GALK2: variants seen among roughly 807,000 people sequenced by gnomAD.
GALK2 encodes the protein N-acetylgalactosamine kinase.
Under a neutral mutation model 52.4 loss-of-function variants are expected in GALK2, and 36 were observed. The observed-to-expected ratio is 0.69, with a 90% CI of 0.53 to 0.91. GALK2 has a LOEUF of 0.91. Among genes scored for constraint, GALK2 ranks in the 40% least tolerant of loss-of-function variants. The probability of loss-of-function intolerance (pLI) is 0.00; values close to 1 mark genes in which losing one functional copy is unlikely to be tolerated. For synonymous variants in GALK2, 176 were observed against 199.1 expected (o/e 0.88, Z 0.98); for missense variants, 579 against 559.1 (o/e 1.04, Z -0.36).
chr15:49,205,049 C>T (rs1595656066), intron 2 of GALK2, among the ~76,000 whole-genome samples: 1 of 152,120 alleles, frequency 6.6e-6, no homozygotes, highest in Admixed American at 6.6e-5. Context: ...TTTATGGCTG[C>T]ATAGTATTCC....
chr15:49,247,429 A>G (rs572528417), intron 5 of GALK2, among the ~76,000 whole-genome samples: 13 of 152,330 alleles, frequency 8.5e-5, no homozygotes, highest in African/African-American at 2.6e-4. Context: ...AGAGGAAACA[A>G]TAAGAAAGAA....
chr15:49,365,621 C>CA (rs2045018467), intron 3 of GALK2: 4 of 1,106,286 alleles, frequency 3.6e-6, no homozygotes, highest in African/African-American at 1.5e-5. Flanking sequence ...GTTATGAAAA[C>CA]AAAAAATACA....
chr15:49,280,373 G>T (rs931178895), intron 5 of GALK2, among the ~76,000 whole-genome samples: 3 of 152,170 alleles, frequency 2.0e-5, no homozygotes, highest in African/African-American at 4.8e-5. Flanking sequence ...ATGCGGTGGG[G>T]AGTATTGAGT....
chr15:49,178,447 T>C (rs1451475256), intron 1 of GALK2: 4 of 254,926 alleles, frequency 1.6e-5, no homozygotes, highest in Non-Finnish European at 3.1e-5. Flanking sequence ...TCGTCTTCAA[T>C]GGACTTCAAG....
At chr15:49,275,755 C>T (rs1207375963) in intron 5 of GALK2, among the ~76,000 whole-genome samples, 2 of 152,070 alleles carry the variant, frequency 1.3e-5, no homozygotes, top group African/African-American at 2.4e-5. Context: ...CCAGGTTTAG[C>T]GAGGCATAAC....
chr15:49,196,214 G>T (rs996190323), intron 1 of GALK2, among the ~76,000 whole-genome samples: 5 of 152,130 alleles, frequency 3.3e-5, no homozygotes, highest in Middle Eastern at 3.4e-3. Flanking sequence ...ATGGAGCTGA[G>T]AATTTAGTTT....
chr15:49,363,796 C>T (rs763420965), intron 3 of GALK2, among the ~76,000 whole-genome samples: 11 of 151,958 alleles, frequency 7.2e-5, no homozygotes, highest in Non-Finnish European at 1.6e-4. Context: ...CCTTCAATGT[C>T]TAGTTTGTTG....
intron 3 of GALK2, among the ~76,000 whole-genome samples, chr15:49,351,856 G>T (rs1275238094): frequency 6.6e-6 from 1 of 152,310 alleles, no homozygotes; most frequent in Admixed American, 6.5e-5. Context: ...GTGGATGTGG[G>T]CTAGCTTGGG....
intron 2 of GALK2, among the ~76,000 whole-genome samples, chr15:49,205,821 A>G (rs2141328449): frequency 6.6e-6 from 1 of 152,270 alleles, no homozygotes; most frequent in Middle Eastern, 3.4e-3. Flanking sequence ...CAATGTCTAG[A>G]AGGGTTTATC....
rs35231463 is a variant in GALK2 at position 49,192,997 on chromosome 15, C to CTTTTTT, written c.54-8150_54-8145dup. 6.0e-5 allele frequency among the ~76,000 whole-genome samples: 4 copies of CTTTTTT among 67,078 alleles called. 2 individuals are homozygous for CTTTTTT. Among genetic ancestry groups the CTTTTTT allele is most frequent in the African/African-American group, 1.1e-4 (2 of 18,072 alleles). The allele number at this position is 67,078 out of a possible 152,430, so 44.0% of individuals were successfully genotyped here. A position where few individuals can be genotyped will look rare whatever the true frequency, so the allele number is the denominator to read the frequency against. On this transcript the variant is annotated intron_variant, in intron 1 of 9. Transcript: ENST00000560031. ...TTTGTTATGAATTTTCTGTTTATAC[C>CTTTTTT]TTTTTTTTTTTTTTTTTTTTGATGG...
chr15:49,229,863 G>A (rs1420096026), intron 3 of GALK2, among the ~76,000 whole-genome samples: 2 of 152,106 alleles, frequency 1.3e-5, no homozygotes, highest in African/African-American at 2.4e-5. Flanking sequence ...GTTTCCTCGG[G>A]GCACTTGAAA....
intron 4 of GALK2, among the ~76,000 whole-genome samples, chr15:49,238,627 T>C (rs1041177445): frequency 6.6e-6 from 1 of 152,176 alleles, no homozygotes; most frequent in African/African-American, 2.4e-5. Flanking sequence ...CGTCTCCCTA[T>C]GTGTCATCTT....
In GALK2 at chr15:49,310,678, A is replaced by G. The variant is rs116234364; in HGVS notation, c.968-8926A>G. Among the ~76,000 whole-genome samples, 1,329 of 152,242 alleles carry G rather than the reference A, an allele frequency of 8.7e-3. 25 individuals are homozygous for G. Among genetic ancestry groups the G allele is most frequent in the African/African-American group, 0.031 (1,277 of 41,538 alleles). The stretch of plus-strand genomic sequence containing the variant: ...TTTCATATTCCTGTTGGCCATTTAT[A>G]TGTCTTCTTTTGAGAAATCTCTATT... On this transcript the variant is annotated intron_variant, in intron 8 of 9. Coordinates refer to ENST00000560031, the MANE Select transcript of GALK2 (RefSeq NM_002044.4).
chr15:49,156,503 C>G (rs1347266058), intron 1 of GALK2: 3 of 500,080 alleles, frequency 6.0e-6, no homozygotes, highest in Admixed American at 4.4e-5. Context: ...AGATGACAAG[C>G]TGCTGTCATT....
chr15:49,296,984 T>C (rs902717507), intron 8 of GALK2, among the ~76,000 whole-genome samples: 2 of 152,236 alleles, frequency 1.3e-5, no homozygotes, highest in Non-Finnish European at 2.9e-5. Flanking sequence ...TAGTTCTGTT[T>C]TAAGTTCTTT....
upstream of GALK2, among the ~76,000 whole-genome samples, chr15:49,167,281 A>G (rs1670150071): frequency 6.6e-6 from 1 of 152,210 alleles, no homozygotes; most frequent in Admixed American, 6.5e-5. Context: ...AAGAGTGCCT[A>G]CTTGCAAAAA....
intron 3 of GALK2, among the ~76,000 whole-genome samples, chr15:49,234,495 CG>C (rs2090681128): frequency 6.6e-6 from 1 of 152,078 alleles, no homozygotes; most frequent in Non-Finnish European, 1.5e-5. Flanking sequence ...TTCCATATGG[CG>C]GGGGAAGCCT....
At chr15:49,279,519 C>T (rs978707625) in intron 5 of GALK2, among the ~76,000 whole-genome samples, 1 of 152,186 alleles carries the variant, frequency 6.6e-6, no homozygotes, top group African/African-American at 2.4e-5. Flanking sequence ...ACTTCCACTT[C>T]TGGTTATATA....
chr15:49,206,505 C>T (rs1401195739), intron 2 of GALK2, among the ~76,000 whole-genome samples: 1 of 151,946 alleles, frequency 6.6e-6, no homozygotes, highest in Non-Finnish European at 1.5e-5. Flanking sequence ...TTTCTTTCAG[C>T]AGTGTTTCGT....
Sources: allele counts gnomAD v4.1 joint callset (sites outside exome capture counted in the v4.1 genomes callset), GRCh38; gene constraint gnomAD v4.1.1; transcripts MANE v1.5; gene names NCBI Gene and HGNC (gene_info 2026-07-23, HGNC 2026-07-21).